PKP4: variants seen among roughly 807,000 people sequenced by gnomAD.
PKP4 encodes the protein plakophilin-4.
A neutral mutation model predicts 145.1 loss-of-function variants in PKP4; 90 were observed. The ratio of observed to expected loss-of-function variants is 0.62; its 90% CI spans 0.52 to 0.74. The LOEUF is 0.74. PKP4 is among the 30% of genes least tolerant of loss of function. The probability of loss-of-function intolerance (pLI) is 0.00; values close to 1 mark genes in which losing one functional copy is unlikely to be tolerated. For synonymous variants in PKP4, 563 were observed against 577.2 expected (o/e 0.98, Z 0.35); for missense variants, 1,340 against 1,482.7 (o/e 0.90, Z 1.58).
At chr2:158,481,818 G>A (rs1693396461) in intron 1 of PKP4, among the ~76,000 whole-genome samples, 1 of 152,194 alleles carries the variant, frequency 6.6e-6, no homozygotes, top group Non-Finnish European at 1.5e-5. Flanking sequence ...TAAGTAAAAT[G>A]TACGTGGAGA....
At chr2:158,620,025 G>A (rs1002915934) in intron 4 of PKP4, among the ~76,000 whole-genome samples, 3 of 152,142 alleles carry the variant, frequency 2.0e-5, no homozygotes, top group Non-Finnish European at 4.4e-5. Flanking sequence ...CAGGGAGGGA[G>A]GAAAGGAGGT....
chr2:158,634,037 A>T (rs1160497581), intron 8 of PKP4, 33 bp from the exon 9 acceptor site: 1 of 1,197,432 alleles, frequency 8.4e-7, no homozygotes, highest in Non-Finnish European at 1.2e-6. Flanking sequence ...CATGGAGAAC[A>T]TACTAATCTT....
chr2:158,677,937 A>AAAAT lies in PKP4; in HGVS notation c.3257-640_3257-637dup, dbSNP rs1053148117. Among the ~76,000 whole-genome samples, 17 of 152,354 alleles carry AAAAT rather than the reference A, an allele frequency of 1.1e-4. No homozygotes were observed. In the East Asian group the frequency reaches 1.7e-3, roughly 16 times the overall value. ...ACTACGTTTCATTTTCCTCATTAAA[A>AAAAT]AAATAAAAATCTTTGCTAGCCTTAA... On this transcript the variant is annotated intron_variant, in intron 20 of 21. Transcript: ENST00000389759.
chr2:158,621,228 C>T lies in PKP4; in HGVS notation c.413-3C>T. The T allele has an allele frequency of 6.2e-7, 1 of 1,614,014 alleles. No homozygotes were observed. On this transcript the variant is annotated splice_region_variant and splice_polypyrimidine_tract_variant and intron_variant, in intron 5 of 21. Transcript: ENST00000389759. ...AAGATATTTCTTGGTTTCATTCTTA[C>T]AGGATCATTGGGTAACTCAAGAAGT...
intron 2 of PKP4, among the ~76,000 whole-genome samples, chr2:158,546,283 G>T (rs143886319): frequency 2.0e-5 from 3 of 152,040 alleles, no homozygotes; most frequent in African/African-American, 7.2e-5. Context: ...TTGTTCAAAC[G>T]TCATTTTTCT....
chr2:158,556,205 T>A (rs978763447), intron 2 of PKP4, among the ~76,000 whole-genome samples: 1 of 152,188 alleles, frequency 6.6e-6, no homozygotes, highest in Admixed American at 6.5e-5. Flanking sequence ...TCAGTGTGAT[T>A]GTATGTGTGA....
rs947508796 is a variant in PKP4, at chr2:158,631,636, C to T, written c.1154-117C>T. On this transcript the variant is annotated intron_variant, in intron 7 of 21. Coordinates refer to ENST00000389759, the MANE Select transcript of PKP4 (RefSeq NM_003628.6). ...AAATTCCTGGGCTCAAGCCATTCTC[C>T]CACCTCTGTCTCCCAAAGTGCTGGG... is the stretch of plus-strand genomic sequence containing the variant. 1.2e-5 allele frequency: 10 copies of T among 861,800 alleles called. No homozygotes were observed. In the Admixed American group the frequency reaches 1.7e-4, roughly 15 times the overall value. 53.4% of individuals were successfully genotyped at this position (861,800 alleles called of 1,614,324 possible). A position where few individuals can be genotyped will look rare whatever the true frequency, so the allele number is the denominator to read the frequency against.
At chr2:158,504,367 A>C (rs1029214347) in intron 1 of PKP4, among the ~76,000 whole-genome samples, 1 of 152,206 alleles carries the variant, frequency 6.6e-6, no homozygotes, top group African/African-American at 2.4e-5. Context: ...ACTTCCCCGC[A>C]GTGTAATAGT....
chr2:158,533,658 C>G (rs940197094), intron 2 of PKP4: 9 of 364,088 alleles, frequency 2.5e-5, no homozygotes, highest in African/African-American at 1.9e-4. Flanking sequence ...ACTCTGGCAA[C>G]CTGAGGCCTG....
At chr2:158,477,731 G>A (rs1410900979) in intron 1 of PKP4, among the ~76,000 whole-genome samples, 16 of 152,118 alleles carry the variant, frequency 1.1e-4, no homozygotes, top group Non-Finnish European at 4.4e-5. Flanking sequence ...TGTAATCAAC[G>A]CTACTTGGGA....
chr2:158,658,136 C>A lies in PKP4; in HGVS notation c.1915C>A (p.Leu639Ile), dbSNP rs767915849. The A allele has an allele frequency of 2.2e-5, 35 of 1,577,354 alleles. No homozygotes were observed. Among genetic ancestry groups the A allele is most frequent in the Non-Finnish European group, 3.5e-6 (4 of 1,154,910 alleles). ...AEVRELVTGV[L>I]WNLSSCDAVK... ...TTTTAAATCTCCTTTTTTAGGAGTTCTTTGGAATTTATCCTCATGTGATGC... is the reference window on the plus strand; with the variant it reads ...TTTTAAATCTCCTTTTTTAGGAGTTATTTGGAATTTATCCTCATGTGATGC... The change falls in exon 12 of 22, where the codon CTT becomes ATT. Residue 639 changes from leucine to isoleucine, a missense_variant. By Grantham distance (5) the Leu-to-Ile change is conservative. Transcript: ENST00000389759.
intron 7 of PKP4, among the ~76,000 whole-genome samples, chr2:158,628,386 C>T (rs774485686): frequency 2.6e-5 from 4 of 152,140 alleles, no homozygotes; most frequent in Non-Finnish European, 5.9e-5. Flanking sequence ...TTTACTTAAT[C>T]TACAGAGGCT....
At position 158,470,739 on chromosome 2, in the gene PKP4, C is replaced by T. The variant is rs552754635; in HGVS notation, c.-6+13521C>T. ...TTGCTAAGTGTTGAATGTGGGCAGG[C>T]AAGAGAATACAGAACCCCACAAGGC... On this transcript the variant is annotated intron_variant, in intron 1 of 21. Coordinates refer to ENST00000389759, the MANE Select transcript of PKP4 (RefSeq NM_003628.6). Among the ~76,000 whole-genome samples, 4 of 152,230 alleles carry T rather than the reference C, an allele frequency of 2.6e-5. No individual in the cohort carries two copies. In the East Asian group the frequency reaches 7.7e-4, roughly 29 times the overall value.
At chr2:158,513,330 A>G (rs1338143008) in intron 1 of PKP4, among the ~76,000 whole-genome samples, 1 of 152,088 alleles carries the variant, frequency 6.6e-6, no homozygotes, top group African/African-American at 2.4e-5. Context: ...TTTGAGGAGC[A>G]GCTCCCTGAT....
At chr2:158,465,211 A>G (rs909602214) in intron 1 of PKP4, among the ~76,000 whole-genome samples, 15 of 152,236 alleles carry the variant, frequency 9.9e-5, no homozygotes, top group African/African-American at 3.4e-4. Flanking sequence ...TTTCATAAGT[A>G]TTAAGGATGA....
At chr2:158,611,811 G>A (rs1432914875) in intron 4 of PKP4, among the ~76,000 whole-genome samples, 1 of 151,970 alleles carries the variant, frequency 6.6e-6, no homozygotes, top group African/African-American at 2.4e-5. Context: ...ATTTCTTCCT[G>A]TTTCTCTTCT....
chr2:158,471,356 A>G (rs1385266400), intron 1 of PKP4, among the ~76,000 whole-genome samples: 2 of 151,940 alleles, frequency 1.3e-5, no homozygotes. Context: ...TGGGGGAAAA[A>G]CCCTACATGA....
chr2:158,523,946 G>T (rs1242786220), intron 1 of PKP4, among the ~76,000 whole-genome samples: 1 of 104,978 alleles, frequency 9.5e-6, no homozygotes, highest in African/African-American at 4.1e-5. Flanking sequence ...AGAATAAAAA[G>T]AAATGAGCAA....
chr2:158,494,051 G>A (rs4664967), intron 1 of PKP4, among the ~76,000 whole-genome samples: 131,747 of 152,126 alleles, frequency 0.87, 57,477 homozygotes, highest in South Asian at 0.93. Context: ...TTCTTGCCAT[G>A]ATAAAAGTTG....
Sources: allele counts gnomAD v4.1 joint callset (sites outside exome capture counted in the v4.1 genomes callset), GRCh38; gene constraint gnomAD v4.1.1; transcripts MANE v1.5; gene names NCBI Gene and HGNC (gene_info 2026-07-23, HGNC 2026-07-21).